PELI2: variants seen among roughly 807,000 people sequenced by gnomAD.
The protein encoded by PELI2 is pellino E3 ubiquitin protein ligase family member 2.
PELI2 carries 23 observed loss-of-function variants against 42.3 expected under a neutral mutation model. The ratio of observed to expected loss-of-function variants is 0.54; its 90% CI spans 0.39 to 0.77. The LOEUF (loss-of-function observed/expected upper bound fraction) is 0.77, where lower values mean the gene tolerates loss of function less well. Among genes scored for constraint, PELI2 ranks in the 30% least tolerant of loss-of-function variants. The probability of loss-of-function intolerance (pLI) is 0.00; values close to 1 mark genes in which losing one functional copy is unlikely to be tolerated. For missense variants in PELI2, 463 were observed against 553.2 expected, an observed-to-expected ratio of 0.84 and a Z score of 1.64; for synonymous variants, 245 against 212.2, an observed-to-expected ratio of 1.15 and a Z score of -1.34.
intron 2 of PELI2, among the ~76,000 whole-genome samples, chr14:56,227,351 G>A (rs560571273): frequency 6.6e-6 from 1 of 152,360 alleles, no homozygotes; most frequent in South Asian, 2.1e-4. Context: ...CACTGGGGCT[G>A]GGCCTGGTGG....
At chr14:56,130,007 G>A (rs950331979) in intron 1 of PELI2, among the ~76,000 whole-genome samples, 6 of 152,036 alleles carry the variant, frequency 3.9e-5, no homozygotes, top group African/African-American at 7.3e-5. Context: ...GGAGGTCCCT[G>A]GCCAGAACCT....
At chr14:56,252,546 G>T (rs776885918) in intron 2 of PELI2, among the ~76,000 whole-genome samples, 9 of 152,192 alleles carry the variant, frequency 5.9e-5, no homozygotes, top group Non-Finnish European at 1.3e-4. Flanking sequence ...AGCCAGGAAA[G>T]AATTCAGAAC....
chr14:56,156,856 G>C (rs1213519890), intron 1 of PELI2, among the ~76,000 whole-genome samples: 5 of 152,170 alleles, frequency 3.3e-5, no homozygotes, highest in African/African-American at 1.2e-4. Flanking sequence ...CTCAAACTGT[G>C]CCTCTCTGTG....
intron 2 of PELI2, among the ~76,000 whole-genome samples, chr14:56,192,521 A>T (rs1285649409): frequency 6.6e-6 from 1 of 152,216 alleles, no homozygotes; most frequent in South Asian, 2.1e-4. Flanking sequence ...GTGCCCTCGT[A>T]TGATTACCAA....
chr14:56,165,175 C>T (rs1884910333), intron 1 of PELI2, among the ~76,000 whole-genome samples: 1 of 152,074 alleles, frequency 6.6e-6, no homozygotes, highest in Non-Finnish European at 1.5e-5. Context: ...CTATAAACTT[C>T]CCTGTTAGTA....
intron 1 of PELI2, among the ~76,000 whole-genome samples, chr14:56,127,772 T>C (rs1883328705): frequency 1.3e-5 from 2 of 152,170 alleles, no homozygotes; most frequent in African/African-American, 4.8e-5. Context: ...TTTCCCCAGA[T>C]TCTGTTTGGG....
chr14:56,169,079 T>G (rs1015897274), intron 1 of PELI2, among the ~76,000 whole-genome samples: 1 of 151,982 alleles, frequency 6.6e-6, no homozygotes, highest in Non-Finnish European at 1.5e-5. Flanking sequence ...CACTCTACCG[T>G]CTCCTCTCTT....
rs1890018121 is a variant in PELI2 at position 56,296,731 on chromosome 14, G to A, written c.828G>A (p.Glu276=). Residue 276 remains glutamate, a synonymous_variant, in exon 6 of 6, where the codon GAG becomes GAA. Transcript: ENST00000267460. ...TQKHIEALRQ[E]INAARPQCPV... ...AGCACATAGAAGCCCTCCGGCAGGAGATTAACGCCGCCCGGCCTCAGTGTC... is the reference window on the plus strand; with the variant it reads ...AGCACATAGAAGCCCTCCGGCAGGAAATTAACGCCGCCCGGCCTCAGTGTC... The A allele has an allele frequency of 1.2e-6, 2 of 1,614,122 alleles. No individual in the cohort carries two copies. Among genetic ancestry groups the A allele is most frequent in the East Asian group, 4.5e-5 (2 of 44,868 alleles).
intron 2 of PELI2, among the ~76,000 whole-genome samples, chr14:56,221,142 ACTTCT>A (rs1887119529): frequency 1.3e-5 from 2 of 152,106 alleles, no homozygotes; most frequent in African/African-American, 4.8e-5. Flanking sequence ...TGTAATACCC[ACTTCT>A]AAAAAGAACA....
chr14:56,141,191 A>G (rs1325693238), intron 1 of PELI2, among the ~76,000 whole-genome samples: 2 of 152,220 alleles, frequency 1.3e-5, no homozygotes, highest in Non-Finnish European at 2.9e-5. Flanking sequence ...AACTTAAGAC[A>G]AAGTTTCCAT....
chr14:56,173,141 G>C (rs191376691), intron 1 of PELI2, among the ~76,000 whole-genome samples: 1 of 152,066 alleles, frequency 6.6e-6, no homozygotes, highest in East Asian at 1.9e-4. Flanking sequence ...GCCTCCCCCC[G>C]GATGTCCCTG....
rs1888092177 is a variant in PELI2 at position 56,244,747 on chromosome 14, G to A, written c.208-34929G>A. 2.6e-5 allele frequency among the ~76,000 whole-genome samples: 4 copies of A among 152,188 alleles called. No individual in the cohort carries two copies. In the South Asian group the frequency reaches 8.3e-4, roughly 32 times the overall value. On this transcript the variant is annotated intron_variant, in intron 2 of 5. Coordinates refer to ENST00000267460, the MANE Select transcript of PELI2 (RefSeq NM_021255.3). ...CCATTGAGTTGTGCTAGCTGTTGAG[G>A]AGACCTTTTTGGAATAAGGTATGAA...
intron 2 of PELI2, among the ~76,000 whole-genome samples, chr14:56,221,388 TTGA>T (rs946011045): frequency 3.9e-5 from 6 of 152,208 alleles, no homozygotes; most frequent in African/African-American, 1.4e-4. Flanking sequence ...CTGCCAGCTG[TTGA>T]GGCTAAAAAT....
At position 56,166,866 on chromosome 14, in the gene PELI2, C is replaced by T. The variant is rs538871626; in HGVS notation, c.78-11469C>T. Among the ~76,000 whole-genome samples the T allele has an allele frequency of 3.9e-5, 6 of 152,302 alleles. No individual in the cohort carries two copies. The South Asian group carries it at 1.2e-3, about 32-fold the overall frequency. On this transcript the variant is annotated intron_variant, in intron 1 of 5. Transcript: ENST00000267460. The stretch of plus-strand genomic sequence containing the variant: ...GCAGTGGCACGATCTCAGCGCACTG[C>T]AAGCTCCATCTCCTGGGTTCACGCC...
In PELI2 at chr14:56,235,239, G is replaced by A. The variant is rs905294292; in HGVS notation, c.208-44437G>A. ...CCACCTAAAAAAAAAAGTTAATACTGTGGTGAATAAAATGTTACCTGCTAG... is the reference window on the plus strand; with the variant it reads ...CCACCTAAAAAAAAAAGTTAATACTATGGTGAATAAAATGTTACCTGCTAG... On this transcript the variant is annotated intron_variant, in intron 2 of 5. Transcript: ENST00000267460. Among the ~76,000 whole-genome samples the A allele has an allele frequency of 2.6e-5, 4 of 151,994 alleles. No homozygotes were observed. The East Asian group carries it at 5.8e-4, about 22-fold the overall frequency.
In PELI2 at chr14:56,297,017, G is replaced by C. The variant is rs773473975; in HGVS notation, c.1114G>C (p.Val372Leu). ...TCATGCTTTCACTCCCTGTGGACAC[G>C]TGTGCTCGGAGAAGTCTGCAAAATA... is the stretch of plus-strand genomic sequence containing the variant. ...PTHAFTPCGHVCSEKSAKYWS... is the reference protein window; with the variant it reads ...PTHAFTPCGHLCSEKSAKYWS... Residue 372 changes from valine (V) to leucine (L), a missense_variant, in exon 6 of 6, where the codon GTG (valine) becomes CTG (leucine). This residue lies in a region of PELI2 where 103 missense variants were observed against 129.6 expected (regional missense o/e 0.80). Transcript: ENST00000267460. 4 of 1,614,044 alleles carry C rather than the reference G, an allele frequency of 2.5e-6. No individual in the cohort carries two copies. Among genetic ancestry groups the C allele is most frequent in the Non-Finnish European group, 3.4e-6 (4 of 1,180,018 alleles).
At chr14:56,209,578 G>A (rs1886642589) in intron 2 of PELI2, among the ~76,000 whole-genome samples, 2 of 152,074 alleles carry the variant, frequency 1.3e-5, no homozygotes. Flanking sequence ...GGTTACTATT[G>A]TTTTTTGTAA....
At chr14:56,264,542 A>C (rs1197207626) in intron 2 of PELI2, among the ~76,000 whole-genome samples, 1 of 152,176 alleles carries the variant, frequency 6.6e-6, no homozygotes, top group Non-Finnish European at 1.5e-5. Flanking sequence ...AAATGATGGG[A>C]AAGTGGCGAA....
intron 1 of PELI2, among the ~76,000 whole-genome samples, chr14:56,155,240 G>GTTT (rs35149171): frequency 6.8e-6 from 1 of 146,872 alleles, no homozygotes; most frequent in Non-Finnish European, 1.5e-5. Context: ...AATCTGTTGG[G>GTTT]TTTTTTTTTT....
Sources: gnomAD v4.1 joint callset for allele counts (sites outside exome capture counted in the v4.1 genomes callset) on GRCh38, gnomAD v4.1.1 for gene constraint, gnomAD v4.1.1 regional missense constraint, MANE v1.5 for transcripts, NCBI Gene and HGNC (gene_info 2026-07-23, HGNC 2026-07-21) for gene names.